Variants in DIP2C observed in about 807,000 individuals in gnomAD.
The protein encoded by DIP2C is DIP2 acetate--CoA ligase C (putative).
A neutral mutation model predicts 192.4 loss-of-function variants in DIP2C; 33 were observed. The observed-to-expected ratio is 0.17, with a 90% confidence interval of 0.13 to 0.23. The LOEUF (loss-of-function observed/expected upper bound fraction) is 0.23, where lower values mean the gene tolerates loss of function less well. Among genes scored for constraint, DIP2C ranks in the 10% least tolerant of loss-of-function variants. The pLI is 1.00. For missense variants in DIP2C, 1,537 were observed against 2,110.1 expected (o/e 0.73, Z 5.32); for synonymous variants, 979 against 864.1 (o/e 1.13, Z -2.33).
At chr10:399,484 C>T (rs1205189471) in intron 9 of DIP2C, among the ~76,000 whole-genome samples, 1 of 152,318 alleles carries the variant, frequency 6.6e-6, no homozygotes, top group Admixed American at 6.5e-5. Flanking sequence ...CATACCCACA[C>T]GTTTCCACAT....
chr10:390,440 A>C, intron 11 of DIP2C, 67 bp from the exon 12 acceptor site: 1 of 1,447,746 alleles, frequency 6.9e-7, no homozygotes, highest in South Asian at 1.1e-5. Context: ...ATTTCTCCCC[A>C]TTTATGTGGT....
intron 14 of DIP2C, among the ~76,000 whole-genome samples, chr10:385,696 G>A (rs1470774697): frequency 1.9e-4 from 29 of 152,126 alleles, no homozygotes; most frequent in Non-Finnish European, 3.5e-4. Flanking sequence ...CTACAGGGGC[G>A]GCAGCAACAC....
intron 1 of DIP2C, among the ~76,000 whole-genome samples, chr10:610,058 C>T (rs1852968512): frequency 6.6e-6 from 1 of 152,152 alleles, no homozygotes; most frequent in African/African-American, 2.4e-5. Context: ...CCACAGCAGC[C>T]AAGATCCGGA....
At chr10:550,293 A>G (rs1435606804) in intron 1 of DIP2C, among the ~76,000 whole-genome samples, 4 of 151,998 alleles carry the variant, frequency 2.6e-5, no homozygotes, top group African/African-American at 9.7e-5. Context: ...TACAGGTATG[A>G]GCCACAGTGC....
chr10:551,683 C>A (rs1348022768), intron 1 of DIP2C, among the ~76,000 whole-genome samples: 1 of 152,218 alleles, frequency 6.6e-6, no homozygotes, highest in Non-Finnish European at 1.5e-5. Context: ...ATCTCCCTAG[C>A]CCTGGCTTGG....
At chr10:385,999 C>T (rs1336771909) in intron 14 of DIP2C, among the ~76,000 whole-genome samples, 1 of 152,218 alleles carries the variant, frequency 6.6e-6, no homozygotes, top group East Asian at 1.9e-4. Context: ...AGACTCGCAC[C>T]TGCCAGGGCT....
intron 6 of DIP2C, among the ~76,000 whole-genome samples, chr10:417,535 C>T (rs1965724057): frequency 6.6e-6 from 1 of 152,196 alleles, no homozygotes; most frequent in Admixed American, 6.5e-5. Context: ...TAACTGGACA[C>T]TTACGAAGGC....
At chr10:607,384 A>C (rs1852570321) in intron 1 of DIP2C, among the ~76,000 whole-genome samples, 1 of 152,206 alleles carries the variant, frequency 6.6e-6, no homozygotes, top group Non-Finnish European at 1.5e-5. Flanking sequence ...TCACGTCTGC[A>C]TTCCAGGAGC....
At chr10:612,988 G>T (rs1409559851) in intron 1 of DIP2C, among the ~76,000 whole-genome samples, 1 of 152,164 alleles carries the variant, frequency 6.6e-6, no homozygotes, top group Admixed American at 6.5e-5. Flanking sequence ...CTGCAGCAGT[G>T]ATGAACGCTG....
At chr10:543,435 C>T (rs979240309) in intron 1 of DIP2C, among the ~76,000 whole-genome samples, 4 of 152,176 alleles carry the variant, frequency 2.6e-5, no homozygotes, top group African/African-American at 9.7e-5. Flanking sequence ...CTGACGTTGC[C>T]GTGACCACAT....
intron 1 of DIP2C, among the ~76,000 whole-genome samples, chr10:582,672 G>A (rs868574750): frequency 2.6e-5 from 4 of 152,196 alleles, no homozygotes; most frequent in African/African-American, 7.2e-5. Context: ...GTGTGATAGC[G>A]TTTCTATCAG....
intron 1 of DIP2C, among the ~76,000 whole-genome samples, chr10:507,928 A>T (rs1185739259): frequency 6.6e-6 from 1 of 152,174 alleles, no homozygotes; most frequent in Admixed American, 6.5e-5. Context: ...ACTTTTCCAC[A>T]ATCTTTTTCT....
At chr10:507,965 TCAG>T (rs568671797) in intron 1 of DIP2C, among the ~76,000 whole-genome samples, 99 of 152,340 alleles carry the variant, frequency 6.5e-4, no homozygotes, top group South Asian at 2.7e-3. Context: ...CGTTGTATCA[TCAG>T]CACCATTTGT....
chr10:545,571 G>T (rs565992799), intron 1 of DIP2C, among the ~76,000 whole-genome samples: 2 of 152,294 alleles, frequency 1.3e-5, no homozygotes, highest in Admixed American at 1.3e-4. Flanking sequence ...AATGGGGTGA[G>T]GACCCGGAGG....
At chr10:446,132 T>C (rs1024939348) in intron 3 of DIP2C, among the ~76,000 whole-genome samples, 1 of 151,964 alleles carries the variant, frequency 6.6e-6, no homozygotes, top group Middle Eastern at 3.4e-3. Context: ...ATACATCTGT[T>C]GTGAAGAGTC....
At chr10:376,496 A>T (rs1416182322) in intron 17 of DIP2C, among the ~76,000 whole-genome samples, 1 of 131,008 alleles carries the variant, frequency 7.6e-6, no homozygotes. Context: ...CCTGTTTGAG[A>T]GTGGGGTTGG....
At chr10:310,672 C>T (rs1315476981) in intron 31 of DIP2C, among the ~76,000 whole-genome samples, 1 of 152,194 alleles carries the variant, frequency 6.6e-6, no homozygotes, top group Non-Finnish European at 1.5e-5. Context: ...CTGGGCAGGA[C>T]TTTGTGGTCT....
intron 1 of DIP2C, among the ~76,000 whole-genome samples, chr10:642,496 C>T (rs537755252): frequency 1.6e-4 from 25 of 152,376 alleles, no homozygotes; most frequent in African/African-American, 6.0e-4. Context: ...TATTTAAATG[C>T]AAACCAATCA....
intron 1 of DIP2C, among the ~76,000 whole-genome samples, chr10:560,810 G>C (rs145024276): frequency 9.9e-4 from 151 of 152,172 alleles, no homozygotes; most frequent in African/African-American, 3.4e-3. Flanking sequence ...ATGATCGGTG[G>C]GGGGTGGGAC....
Sources: allele counts gnomAD v4.1 joint callset (sites outside exome capture counted in the v4.1 genomes callset), GRCh38; gene constraint gnomAD v4.1.1; transcripts MANE v1.5; gene names NCBI Gene and HGNC (gene_info 2026-07-23, HGNC 2026-07-21).